Variants in ICMT observed in about 807,000 individuals in gnomAD.
ICMT encodes isoprenylcysteine carboxyl methyltransferase, also known as protein-S-isoprenylcysteine O-methyltransferase.
Under a neutral mutation model 32.2 loss-of-function variants are expected in ICMT, and 10 were observed. That is an observed-to-expected ratio of 0.31 (90% CI 0.19 to 0.53). The LOEUF (loss-of-function observed/expected upper bound fraction) is 0.53. Among genes scored for constraint, ICMT ranks in the 20% least tolerant of loss-of-function variants. The probability of loss-of-function intolerance (pLI) is 0.96; values close to 1 mark genes in which losing one functional copy is unlikely to be tolerated. For synonymous variants in ICMT, 183 were observed against 158.2 expected (o/e 1.16, Z -1.18); for missense variants, 265 against 356.9 (o/e 0.74, Z 2.07).
Position 6,223,674 on chromosome 1 carries a change from C to T in ICMT, c.*1406G>A, listed in dbSNP as rs1186289922. On this transcript the variant is annotated 3_prime_UTR_variant, in exon 5 of 5. Coordinates refer to ENST00000343813, the MANE Select transcript of ICMT (RefSeq NM_012405.4). ...TTGACATTGTTCTTCTCAGTCCTCACAACACCCCTGTGAGGTAGGTGGTAT... is the reference window on the plus strand; with the variant it reads ...TTGACATTGTTCTTCTCAGTCCTCATAACACCCCTGTGAGGTAGGTGGTAT... The T allele has an allele frequency of 1.3e-5, 2 of 152,286 alleles. No homozygotes were observed. The highest frequency in any genetic ancestry group is 2.4e-5 in the African/African-American group (1 of 41,474). 9.4% of individuals were successfully genotyped at this position (152,286 alleles called of 1,614,324 possible). A position where few individuals can be genotyped will look rare whatever the true frequency, so the allele number is the denominator to read the frequency against.
At chr1:6,225,302 G>T in intron 4 of ICMT, 40 bp from the exon 5 acceptor site, 1 of 1,586,656 alleles carries the variant, frequency 6.3e-7, no homozygotes. Context: ...GGTGACCGTG[G>T]GATGACGCCC....
Position 6,223,586 on chromosome 1 carries a change from G to A in ICMT, c.*1494C>T, listed in dbSNP as rs1452371107. 6 of 152,252 alleles carry A rather than the reference G, an allele frequency of 3.9e-5. No homozygotes were observed. In the South Asian group the frequency reaches 8.3e-4, roughly 21 times the overall value. The allele number at this position is 152,252 out of a possible 1,614,324, so 9.4% of individuals were successfully genotyped here. On this transcript the variant is annotated 3_prime_UTR_variant, in exon 5 of 5. Transcript: ENST00000343813. ...ATTAACCAAATGTCTGCCCATTTTTGTGTAGCTTTCATACAGTACAGATTT... is the reference window on the plus strand; with the variant it reads ...ATTAACCAAATGTCTGCCCATTTTTATGTAGCTTTCATACAGTACAGATTT...
At chr1:6,234,571 C>G in intron 2 of ICMT, 2 of 490,990 alleles carry the variant, frequency 4.1e-6, no homozygotes, top group East Asian at 5.7e-5. Context: ...TGCCCCTGCC[C>G]GCCACCGAGG....
chr1:6,229,717 C>T (rs1257871306), intron 4 of ICMT, among the ~76,000 whole-genome samples: 1 of 151,770 alleles, frequency 6.6e-6, no homozygotes, highest in African/African-American at 2.4e-5. Flanking sequence ...CATGCCAATG[C>T]ACTATAGCCT....
At chr1:6,233,743 C>T (rs1466490286) in intron 2 of ICMT, 100 bp from the exon 3 acceptor site, 3 of 873,436 alleles carry the variant, frequency 3.4e-6, no homozygotes, top group Non-Finnish European at 5.3e-6. Context: ...TCTATGAGGC[C>T]CTGTTCTCAC....
chr1:6,231,811 A>T, intron 4 of ICMT, 91 bp downstream of exon 4: 1 of 813,968 alleles, frequency 1.2e-6, no homozygotes, highest in South Asian at 2.1e-5. Context: ...GTATATTTTG[A>T]AATGGTGACT....
At chr1:6,228,685 C>T (rs1053188658) in intron 4 of ICMT, among the ~76,000 whole-genome samples, 9 of 152,060 alleles carry the variant, frequency 5.9e-5, no homozygotes, top group African/African-American at 2.2e-4. Flanking sequence ...AATCCTCCTG[C>T]TCTGGTCTCC....
Position 6,224,772 on chromosome 1 carries a change from C to CG in ICMT, c.*307dup, listed in dbSNP as rs1429362447. 4 of 299,030 alleles carry CG rather than the reference C, an allele frequency of 1.3e-5. No homozygotes were observed. Among genetic ancestry groups the CG allele is most frequent in the Non-Finnish European group, 2.4e-5 (4 of 163,342 alleles). 18.5% of individuals were successfully genotyped at this position (299,030 alleles called of 1,614,324 possible). ...TTATCCTTTACTTACACTCTGGCCT[C>CG]GGGGGCAGTGGCGTGTGGCCTCGGT... On this transcript the variant is annotated 3_prime_UTR_variant, in exon 5 of 5. Transcript: ENST00000343813.
chr1:6,225,078 C>T lies in ICMT; in HGVS notation c.*2G>A, dbSNP rs781714309. ...CCCCAAGGTCACCGGGGCCACTGCC[C>T]GTCACAGGTCCACCTTGACCCCCTT... On this transcript the variant is annotated 3_prime_UTR_variant, in exon 5 of 5. Coordinates refer to ENST00000343813, the MANE Select transcript of ICMT (RefSeq NM_012405.4). The T allele has an allele frequency of 6.8e-6, 11 of 1,611,200 alleles. No homozygotes were observed. The highest frequency in any genetic ancestry group is 2.2e-5 in the East Asian group (1 of 44,872).
intron 4 of ICMT, among the ~76,000 whole-genome samples, chr1:6,227,483 C>T (rs4908868): frequency 5.3e-5 from 8 of 152,126 alleles, no homozygotes; most frequent in African/African-American, 1.7e-4. Flanking sequence ...CCAAACACTT[C>T]GTGAATTTTC....
intron 4 of ICMT, among the ~76,000 whole-genome samples, chr1:6,227,145 T>C (rs1042149026): frequency 1.3e-5 from 2 of 152,234 alleles, no homozygotes; most frequent in Non-Finnish European, 2.9e-5. Context: ...GACATGTTCC[T>C]TTCATACACA....
At position 6,235,807 on chromosome 1, in the gene ICMT, G is replaced by A. The variant is rs1480199325; in HGVS notation, c.105C>T (p.Arg35=). Residue 35 remains arginine, a synonymous_variant, in exon 1 of 5, where the codon CGC becomes CGT. Transcript: ENST00000343813. ...ASVLALPLLT[R]AGLQGRTGLA... is the part of the protein sequence containing the mutation. ...GCCCGGTGCGGCCCTGCAGGCCGGCGCGCGTGAGCAGCGGCAGCGCGAGCA... is the reference window on the plus strand; with the variant it reads ...GCCCGGTGCGGCCCTGCAGGCCGGCACGCGTGAGCAGCGGCAGCGCGAGCA... 6 of 1,322,588 alleles carry A rather than the reference G, an allele frequency of 4.5e-6. No individual in the cohort carries two copies. The South Asian group carries it at 8.0e-5, about 18-fold the overall frequency. 81.9% of individuals were successfully genotyped at this position (1,322,588 alleles called of 1,614,324 possible). A position where few individuals can be genotyped will look rare whatever the true frequency, so the allele number is the denominator to read the frequency against.
intron 4 of ICMT, among the ~76,000 whole-genome samples, chr1:6,227,769 T>C (rs1571224011): frequency 6.6e-6 from 1 of 151,178 alleles, no homozygotes; most frequent in South Asian, 2.1e-4. Context: ...GGCAGGAGAA[T>C]GGCGTGAACC....
chr1:6,228,737 A>C (rs1446002327), intron 4 of ICMT, among the ~76,000 whole-genome samples: 1 of 151,884 alleles, frequency 6.6e-6, no homozygotes, highest in Non-Finnish European at 1.5e-5. Flanking sequence ...TTAAAAAAGA[A>C]ATATGCGGGT....
chr1:6,225,251 A>C lies in ICMT; in HGVS notation c.684T>G (p.Cys228Trp). ...YWSIGTQVML[C>W]NPICGVSYAL... ...CATAGCTGACGCCGCAGATGGGGTT[A>C]CACAGCATCACCTAACAGAGGGAGA... is the stretch of plus-strand genomic sequence containing the variant. Residue 228 changes from cysteine to tryptophan, a missense_variant, in exon 5 of 5, where the codon TGT becomes TGG. This residue lies in a region of ICMT where 166 missense variants were observed against 264.3 expected (regional missense o/e 0.63). Coordinates refer to ENST00000343813, the MANE Select transcript of ICMT (RefSeq NM_012405.4). 1 of 1,613,062 alleles carries C rather than the reference A, an allele frequency of 6.2e-7. No individual in the cohort carries two copies. Among genetic ancestry groups the C allele is most frequent in the Non-Finnish European group, 8.5e-7 (1 of 1,179,728 alleles).
chr1:6,228,436 G>A (rs146183009), intron 4 of ICMT, among the ~76,000 whole-genome samples: 3,798 of 151,116 alleles, frequency 0.025, 145 homozygotes, highest in African/African-American at 0.087. Flanking sequence ...TCCGCCTCCC[G>A]GGTTCACGCC....
chr1:6,233,422 T>C, intron 3 of ICMT, 52 bp downstream of exon 3: 1 of 1,543,450 alleles, frequency 6.5e-7, no homozygotes, highest in African/African-American at 1.4e-5. Context: ...GTCCTCAGCC[T>C]GAATGGGAGC....
At position 6,223,245 on chromosome 1, in the gene ICMT, T is replaced by A. The variant is rs1668587214; in HGVS notation, c.*1835A>T. The A allele has an allele frequency of 6.6e-6, 1 of 152,204 alleles. No individual in the cohort carries two copies. The allele number at this position is 152,204 out of a possible 1,614,324, so 9.4% of individuals were successfully genotyped here. On this transcript the variant is annotated 3_prime_UTR_variant, in exon 5 of 5. Transcript: ENST00000343813. ...GTCTCAGCCTCCTGAGTAGCTGGGA[T>A]TACAGGCACCCGCCAGCACGCCCAG...
intron 2 of ICMT, chr1:6,234,597 G>A (rs776791304): frequency 1.8e-5 from 9 of 501,872 alleles, no homozygotes; most frequent in Non-Finnish European, 2.6e-5. Context: ...CACCCCTTCC[G>A]GGAAGGGCTG....
Sources: allele counts gnomAD v4.1 joint callset (sites outside exome capture counted in the v4.1 genomes callset), GRCh38; gene constraint gnomAD v4.1.1; regional missense constraint gnomAD v4.1.1; transcripts MANE v1.5; gene names NCBI Gene and HGNC (gene_info 2026-07-23, HGNC 2026-07-21).